Variants in MAPRE2 observed in about 807,000 individuals in gnomAD.
MAPRE2 encodes the protein microtubule-associated protein RP/EB family member 2.
MAPRE2 carries 13 observed loss-of-function variants against 43.2 expected under a neutral mutation model. That is an observed-to-expected ratio of 0.30 (90% CI 0.20 to 0.48). MAPRE2 has a LOEUF of 0.48. Among genes scored for constraint, MAPRE2 ranks in the 20% least tolerant of loss-of-function variants. The pLI is 0.99. For synonymous variants in MAPRE2, 135 were observed against 148.8 expected, an observed-to-expected ratio of 0.91 and a Z score of 0.68; for missense variants, 161 against 400.2, an observed-to-expected ratio of 0.40 and a Z score of 5.10.
intron 1 of MAPRE2, among the ~76,000 whole-genome samples, chr18:34,983,296 T>C (rs1166083485): frequency 2.6e-5 from 4 of 152,242 alleles, no homozygotes; most frequent in African/African-American, 9.7e-5. Context: ...TTTCTAAATA[T>C]ATGAATTTTA....
intron 2 of MAPRE2, among the ~76,000 whole-genome samples, chr18:35,072,780 CA>C (rs897087103): frequency 6.6e-6 from 1 of 151,884 alleles, no homozygotes; most frequent in African/African-American, 2.4e-5. Context: ...TTTAAAAACA[CA>C]AAAAAACCTG....
chr18:35,087,475 C>T (rs1458308186), intron 2 of MAPRE2, among the ~76,000 whole-genome samples: 1 of 152,146 alleles, frequency 6.6e-6, no homozygotes, highest in Non-Finnish European at 1.5e-5. Context: ...TCTCTAGGGT[C>T]ATTCTTATAT....
At chr18:35,023,532 C>CATATAT (rs1280797170) in intron 2 of MAPRE2, among the ~76,000 whole-genome samples, 3 of 140,434 alleles carry the variant, frequency 2.1e-5, no homozygotes, top group Non-Finnish European at 4.5e-5. Flanking sequence ...TATATATATA[C>CATATAT]ATATATATAT....
At chr18:35,092,709 T>G (rs989437069) in intron 2 of MAPRE2, among the ~76,000 whole-genome samples, 3 of 152,170 alleles carry the variant, frequency 2.0e-5, no homozygotes, top group Non-Finnish European at 2.9e-5. Flanking sequence ...GTGCAAACTA[T>G]TCATCTGGCA....
At chr18:35,056,825 C>T (rs1906256353) in intron 1 of MAPRE2, among the ~76,000 whole-genome samples, 2 of 152,152 alleles carry the variant, frequency 1.3e-5, no homozygotes, top group African/African-American at 4.8e-5. Context: ...TCAGTAATGA[C>T]CCCTATCCCT....
chr18:35,033,355 C>T (rs1363346132), intron 2 of MAPRE2, among the ~76,000 whole-genome samples: 7 of 151,608 alleles, frequency 4.6e-5, no homozygotes, highest in East Asian at 1.9e-4. Context: ...ATTGATGGGA[C>T]GTATCTCAAA....
intron 4 of MAPRE2, among the ~76,000 whole-genome samples, chr18:35,125,086 C>T (rs1271608043): frequency 6.6e-6 from 1 of 152,126 alleles, no homozygotes; most frequent in African/African-American, 2.4e-5. Context: ...TATTAGGCAC[C>T]TCCCTGTGTT....
intron 1 of MAPRE2, among the ~76,000 whole-genome samples, chr18:35,000,061 A>C (rs1198700903): frequency 2.0e-5 from 3 of 152,000 alleles, no homozygotes; most frequent in Non-Finnish European, 4.4e-5. Context: ...TATTCCTAGA[A>C]AGCTATGGAC....
intron 2 of MAPRE2, among the ~76,000 whole-genome samples, chr18:35,014,263 A>G (rs2097036711): frequency 6.6e-6 from 1 of 152,108 alleles, no homozygotes; most frequent in African/African-American, 2.4e-5. Flanking sequence ...GTATTGAAAC[A>G]TCTGGTTTAT....
rs572566578 is a variant in MAPRE2 at position 35,059,411 on chromosome 18, C to T, written c.123-10784C>T. 5.6e-4 allele frequency among the ~76,000 whole-genome samples: 85 copies of T among 152,060 alleles called. 1 individual carries two copies. The highest frequency in any genetic ancestry group is 2.0e-3 in the African/African-American group (85 of 41,482). ...GCCATCTCACATAGCACTAGGGGCA[C>T]GTATTGATATTTGCCTTTTGTATGA... On this transcript the variant is annotated intron_variant, in intron 1 of 6. Transcript: ENST00000300249.
chr18:35,047,596 G>A (rs1905695650), intron 1 of MAPRE2, among the ~76,000 whole-genome samples: 1 of 151,422 alleles, frequency 6.6e-6, no homozygotes, highest in East Asian at 1.9e-4. Flanking sequence ...TCCTAAATAT[G>A]TTTTTATAAA....
At chr18:35,066,044 C>A (rs1906823975) in intron 1 of MAPRE2, among the ~76,000 whole-genome samples, 2 of 152,166 alleles carry the variant, frequency 1.3e-5, no homozygotes, top group Non-Finnish European at 2.9e-5. Context: ...GCTGAAGATC[C>A]AAACATGAGA....
At chr18:35,106,566 AATAG>A (rs1908917510) in intron 4 of MAPRE2, among the ~76,000 whole-genome samples, 1 of 152,184 alleles carries the variant, frequency 6.6e-6, no homozygotes, top group Non-Finnish European at 1.5e-5. Context: ...TTATGTATAA[AATAG>A]ATACATTCTA....
Position 35,126,893 on chromosome 18 carries a change from C to T in MAPRE2, c.611-55C>T, listed in dbSNP as rs1035272846. Reference sequence around the variant, plus strand: ...TTCATATCATTCATTTTCTATGTATCTAAAACACACTTTTAATATTGCCAG... The same window carrying T: ...TTCATATCATTCATTTTCTATGTATTTAAAACACACTTTTAATATTGCCAG... On this transcript the variant is annotated intron_variant, in intron 4 of 6. Transcript: ENST00000300249. 2.0e-6 allele frequency: 3 copies of T among 1,528,900 alleles called. No homozygotes were observed. The African/African-American group carries it at 4.1e-5, about 21-fold the overall frequency. 94.7% of individuals were successfully genotyped at this position (1,528,900 alleles called of 1,614,324 possible).
chr18:35,041,821 G>T, intron 1 of MAPRE2, 160 bp downstream of exon 1: 1 of 1,466,114 alleles, frequency 6.8e-7, no homozygotes, highest in Non-Finnish European at 9.0e-7. Flanking sequence ...CATGTGTCAT[G>T]TTGGGTTTGC....
intron 4 of MAPRE2, among the ~76,000 whole-genome samples, chr18:35,122,556 G>A (rs747327958): frequency 2.8e-4 from 42 of 152,324 alleles, no homozygotes; most frequent in Non-Finnish European, 1.0e-4. Context: ...TTACCTAAGT[G>A]ATTGATTATT....
At chr18:35,055,850 G>A (rs1906201997) in intron 1 of MAPRE2, among the ~76,000 whole-genome samples, 2 of 151,966 alleles carry the variant, frequency 1.3e-5, no homozygotes, top group Non-Finnish European at 2.9e-5. Context: ...ACCTACTGGG[G>A]AGGCTGGGGC....
At chr18:35,043,543 A>G (rs1486226110) in intron 1 of MAPRE2, among the ~76,000 whole-genome samples, 1 of 152,204 alleles carries the variant, frequency 6.6e-6, no homozygotes, top group East Asian at 1.9e-4. Flanking sequence ...CCAGGCTATT[A>G]TTTGCGTTTC....
intron 2 of MAPRE2, among the ~76,000 whole-genome samples, chr18:35,022,283 A>G (rs1018474313): frequency 1.3e-5 from 2 of 152,242 alleles, no homozygotes; most frequent in African/African-American, 4.8e-5. Context: ...CCAGGATGCT[A>G]GCAGGGATAT....
Sources: gnomAD v4.1 joint callset for allele counts (sites outside exome capture counted in the v4.1 genomes callset) on GRCh38, gnomAD v4.1.1 for gene constraint, MANE v1.5 for transcripts, NCBI Gene and HGNC (gene_info 2026-07-23, HGNC 2026-07-21) for gene names.